Variants in CHD8 observed in about 807,000 individuals in gnomAD.
The protein encoded by CHD8 is ATP-dependent chromatin remodeler CHD8.
Under a neutral mutation model 279.2 loss-of-function variants are expected in CHD8, and 31 were observed. That is an observed-to-expected ratio of 0.11 (90% CI 0.08 to 0.15). The LOEUF is 0.15. CHD8 is among the 10% of genes least tolerant of loss of function. The pLI is 1.00. For missense variants in CHD8, 2,146 were observed against 3,230.5 expected (o/e 0.66, Z 8.14); for synonymous variants, 1,081 against 1,139.6 (o/e 0.95, Z 1.04).
At chr14:21,434,272 C>G (rs182113456) in intron 1 of CHD8, among the ~76,000 whole-genome samples, 2 of 152,186 alleles carry the variant, frequency 1.3e-5, no homozygotes, top group African/African-American at 4.8e-5. Flanking sequence ...CTCGGACTCT[C>G]GACTTCAGAG....
chr14:21,441,744 CT>C (rs1889975124), intron 1 of CHD8, among the ~76,000 whole-genome samples: 1 of 152,050 alleles, frequency 6.6e-6, no homozygotes, highest in African/African-American at 2.4e-5. Context: ...AAAAAATTAG[CT>C]GGGCGTGGTG....
At chr14:21,441,876 G>C (rs189878292) in intron 1 of CHD8, among the ~76,000 whole-genome samples, 2 of 146,632 alleles carry the variant, frequency 1.4e-5, no homozygotes, top group Non-Finnish European at 3.0e-5. Flanking sequence ...GTGACAGAGC[G>C]AGACTCCACC....
chr14:21,445,990 C>T (rs1890109374), intron 1 of CHD8, among the ~76,000 whole-genome samples: 2 of 150,964 alleles, frequency 1.3e-5, no homozygotes, highest in South Asian at 4.2e-4. Context: ...CAGAGCGAGA[C>T]TCCGTCTCAA....
chr14:21,401,535 G>A (rs1418119413), intron 20 of CHD8, 22 bp from the exon 21 acceptor site: 2 of 1,387,692 alleles, frequency 1.4e-6, no homozygotes, highest in African/African-American at 1.8e-5. Flanking sequence ...CAAATGCAGA[G>A]GTAAAGCTGA....
intron 1 of CHD8, among the ~76,000 whole-genome samples, chr14:21,442,096 T>C (rs1478074367): frequency 6.6e-6 from 1 of 152,156 alleles, no homozygotes; most frequent in Non-Finnish European, 1.5e-5. Flanking sequence ...TAGGAAAAAC[T>C]GCAAGGCTGG....
At chr14:21,401,178 CAG>C (rs1296369683) in intron 21 of CHD8, 107 bp from the exon 22 acceptor site, 2 of 955,988 alleles carry the variant, frequency 2.1e-6, no homozygotes, top group East Asian at 2.8e-5. Flanking sequence ...TGTAGATACT[CAG>C]AGATTTTTTT....
intron 5 of CHD8, chr14:21,416,689 G>A (rs898051889): frequency 6.6e-6 from 1 of 152,134 alleles, no homozygotes; most frequent in Non-Finnish European, 1.5e-5. Flanking sequence ...AAGAACTACT[G>A]AAACTAGTAA....
intron 7 of CHD8, 29 bp downstream of exon 7, chr14:21,415,545 A>AAATAAT (rs1555316450): frequency 1.8e-6 from 2 of 1,117,602 alleles, no homozygotes; most frequent in Non-Finnish European, 1.2e-6. Flanking sequence ...AAATAAATAA[A>AAATAAT]AATAATAATA....
intron 1 of CHD8, among the ~76,000 whole-genome samples, chr14:21,449,914 A>AT (rs1338519090): frequency 6.6e-6 from 1 of 152,228 alleles, no homozygotes; most frequent in African/African-American, 2.4e-5. Context: ...AAAAGCAGTC[A>AT]TATTTGTAAA....
intron 1 of CHD8, among the ~76,000 whole-genome samples, chr14:21,434,834 T>C (rs532822886): frequency 2.6e-5 from 4 of 152,160 alleles, no homozygotes; most frequent in Non-Finnish European, 5.9e-5. Flanking sequence ...ACATCTAACT[T>C]TTTTTAACCC....
chr14:21,437,250 C>G (rs1431845807), intron 1 of CHD8: 15 of 1,166,570 alleles, frequency 1.3e-5, no homozygotes, highest in African/African-American at 4.9e-5. Flanking sequence ...AGCACCAGTT[C>G]CCCCTCCTCC....
intron 7 of CHD8, chr14:21,415,264 A>G: frequency 2.3e-6 from 1 of 432,434 alleles, no homozygotes; most frequent in Non-Finnish European, 4.1e-6. Flanking sequence ...TCTCACAACT[A>G]CACCTTAGCA....
At chr14:21,386,491 C>T (rs1042707292) in intron 37 of CHD8, 2 of 386,960 alleles carry the variant, frequency 5.2e-6, no homozygotes, top group African/African-American at 4.0e-5. Flanking sequence ...AAATGCTTAC[C>T]TTTGTTAAGA....
rs933435759 is a variant in CHD8 at position 21,401,730 on chromosome 14, G to A, written c.4063-217C>T. 11 of 581,092 alleles carry A rather than the reference G, an allele frequency of 1.9e-5. No homozygotes were observed. In the South Asian group the frequency reaches 2.5e-4, roughly 13 times the overall value. 36.0% of individuals were successfully genotyped at this position (581,092 alleles called of 1,614,324 possible). A position where few individuals can be genotyped will look rare whatever the true frequency, so the allele number is the denominator to read the frequency against. On this transcript the variant is annotated intron_variant, in intron 20 of 37. Transcript: ENST00000646647. ...CTCCCGAGTAGCTGGGACGACAGGC[G>A]CAAGCCACCATTCCTGGCTAATTTT...
chr14:21,398,132 T>C, intron 26 of CHD8, 180 bp from the exon 27 acceptor site: 2 of 488,888 alleles, frequency 4.1e-6, no homozygotes, highest in Non-Finnish European at 6.7e-6. Flanking sequence ...TATAGCAATT[T>C]AGAATCATGA....
chr14:21,388,198 AAATT>A (rs1490305790), intron 37 of CHD8, among the ~76,000 whole-genome samples: 1 of 152,218 alleles, frequency 6.6e-6, no homozygotes, highest in Non-Finnish European at 1.5e-5. Flanking sequence ...GTTTACTTTA[AAATT>A]AATTTTGTTA....
At position 21,391,880 on chromosome 14, in the gene CHD8, G is replaced by A; in HGVS notation, c.6838C>T (p.His2280Tyr). 1 of 1,613,770 alleles carries A rather than the reference G, an allele frequency of 6.2e-7. No individual in the cohort carries two copies. Among genetic ancestry groups the A allele is most frequent in the Non-Finnish European group, 8.5e-7 (1 of 1,179,704 alleles). The change falls in exon 35 of 38, where the codon CAT becomes TAT. Residue 2280 changes from histidine to tyrosine, a missense_variant. Transcript: ENST00000646647. ...CCCTTCTTCTTATGAAACAGTGGATGTCCATCTCCCATTACTCCATTCGCC... is the reference window on the plus strand; with the variant it reads ...CCCTTCTTCTTATGAAACAGTGGATATCCATCTCCCATTACTCCATTCGCC... ...LMANGVMGDG[H>Y]PLFHKKKGNR...
chr14:21,387,864 A>C (rs1013121202), intron 37 of CHD8, among the ~76,000 whole-genome samples: 1 of 150,208 alleles, frequency 6.7e-6, no homozygotes, highest in African/African-American at 2.4e-5. Flanking sequence ...ATTTTCTGTG[A>C]TTTTCTATGA....
chr14:21,431,816 T>A lies in CHD8; in HGVS notation c.-173A>T, dbSNP rs1889576458. 1 of 1,613,588 alleles carries A rather than the reference T, an allele frequency of 6.2e-7. No homozygotes were observed. ...GCATGTCAGATTGTCCTGACCTTCA[T>A]GGAGCAAGATGGCTACGTCTTCAGA... is the stretch of plus-strand genomic sequence containing the variant. On this transcript the variant is annotated 5_prime_UTR_variant, in exon 2 of 38. The change abolishes an upstream ATG in the 5' untranslated region. Transcript: ENST00000646647.
Sources: allele counts gnomAD v4.1 joint callset (sites outside exome capture counted in the v4.1 genomes callset), GRCh38; gene constraint gnomAD v4.1.1; transcripts MANE v1.5; gene names NCBI Gene and HGNC (gene_info 2026-07-23, HGNC 2026-07-21).